Variants in MYBPC1 observed in about 807,000 individuals in gnomAD.
MYBPC1 encodes the protein myosin binding protein C1.
Under a neutral mutation model 147.1 loss-of-function variants are expected in MYBPC1, and 52 were observed. That is an observed-to-expected ratio of 0.35 (90% CI 0.28 to 0.45). The LOEUF (loss-of-function observed/expected upper bound fraction) is 0.45. Ranked by LOEUF, MYBPC1 falls within the 20% of genes least tolerant of loss-of-function variation. The pLI is 1.00. For synonymous variants in MYBPC1, 477 were observed against 475.9 expected (o/e 1.00, Z -0.03); for missense variants, 1,228 against 1,440.3 (o/e 0.85, Z 2.39).
At chr12:101,634,857 T>C (rs938667681) in intron 9 of MYBPC1, among the ~76,000 whole-genome samples, 1 of 152,218 alleles carries the variant, frequency 6.6e-6, no homozygotes, top group Non-Finnish European at 1.5e-5. Flanking sequence ...ACAGTTGCCT[T>C]AGAAAGACAC....
At position 101,642,584 on chromosome 12, in the gene MYBPC1, A is replaced by T; in HGVS notation, c.831A>T (p.Ala277=). Reference sequence around the variant, plus strand: ...TGCGCAGAGAGGAGAAGAAGAGCGCAGGTGAGCGCTCCCGGGGGCGAGGCA... The same window carrying T: ...TGCGCAGAGAGGAGAAGAAGAGCGCTGGTGAGCGCTCCCGGGGGCGAGGCA... The part of the protein sequence containing the change: ...KRMRREEKKS[A]AFAKILDPAY... The change falls in exon 11 of 32, where the codon GCA becomes GCT. Residue 277 remains alanine, a splice_region_variant and synonymous_variant. Transcript: ENST00000361466. The T allele has an allele frequency of 1.9e-6, 3 of 1,609,554 alleles. No homozygotes were observed. The highest frequency in any genetic ancestry group is 2.5e-6 in the Non-Finnish European group (3 of 1,178,158).
At chr12:101,643,757 G>A (rs1189213928) in intron 11 of MYBPC1, among the ~76,000 whole-genome samples, 2 of 151,822 alleles carry the variant, frequency 1.3e-5, no homozygotes, top group African/African-American at 4.8e-5. Flanking sequence ...TTTAATTGCT[G>A]TGTTCTATGT....
At chr12:101,665,335 G>A (rs1009687545) in intron 22 of MYBPC1, among the ~76,000 whole-genome samples, 4 of 151,974 alleles carry the variant, frequency 2.6e-5, no homozygotes, top group Admixed American at 6.6e-5. Context: ...TGTGGCTGCC[G>A]ACTCTTCATT....
intron 20 of MYBPC1, among the ~76,000 whole-genome samples, 156 bp downstream of exon 20, chr12:101,661,418 T>C (rs1451122031): frequency 1.3e-5 from 2 of 152,224 alleles, no homozygotes; most frequent in Non-Finnish European, 2.9e-5. Flanking sequence ...GTTGAGATGC[T>C]CTGTAATTAC....
intron 1 of MYBPC1, among the ~76,000 whole-genome samples, chr12:101,599,369 T>C (rs1057073598): frequency 9.2e-5 from 14 of 152,186 alleles, no homozygotes; most frequent in African/African-American, 3.4e-4. Flanking sequence ...TTTTTTTTCT[T>C]GCTCTCTAGA....
downstream of MYBPC1, among the ~76,000 whole-genome samples, chr12:101,689,783 C>T (rs143745340): frequency 0.015 from 2,252 of 152,264 alleles, 25 homozygotes; most frequent in South Asian, 0.035. Flanking sequence ...AGTGGTTCCT[C>T]CACCCAAGCC....
intron 21 of MYBPC1, among the ~76,000 whole-genome samples, chr12:101,663,001 T>C (rs564089494): frequency 6.6e-6 from 1 of 151,880 alleles, no homozygotes; most frequent in Non-Finnish European, 1.5e-5. Flanking sequence ...ATCTATTAAA[T>C]CAAAAAAGTT....
chr12:101,679,287 G>A (rs916456125), intron 28 of MYBPC1, among the ~76,000 whole-genome samples: 8 of 152,190 alleles, frequency 5.3e-5, no homozygotes, highest in African/African-American at 1.2e-4. Flanking sequence ...AGGTTCACCC[G>A]GAGCCTAGGA....
intron 8 of MYBPC1, among the ~76,000 whole-genome samples, chr12:101,633,995 C>G (rs753766835): frequency 3.7e-4 from 56 of 151,582 alleles, no homozygotes; most frequent in Non-Finnish European, 7.4e-4. Flanking sequence ...CTCCCGGGTT[C>G]ACGCCATTCT....
At chr12:101,633,216 A>G (rs1440888204) in intron 8 of MYBPC1, among the ~76,000 whole-genome samples, 1 of 152,030 alleles carries the variant, frequency 6.6e-6, no homozygotes, top group African/African-American at 2.4e-5. Flanking sequence ...GAATCCAAAA[A>G]CCACACCCTA....
intron 1 of MYBPC1, among the ~76,000 whole-genome samples, chr12:101,612,385 A>T (rs1457826932): frequency 1.3e-5 from 2 of 152,182 alleles, no homozygotes; most frequent in Non-Finnish European, 2.9e-5. Flanking sequence ...CATGTTCAGA[A>T]AAAGCAGGAG....
chr12:101,657,518 C>G (rs58774124), intron 18 of MYBPC1, among the ~76,000 whole-genome samples: 2,418 of 152,230 alleles, frequency 0.016, 67 homozygotes, highest in African/African-American at 0.054. Flanking sequence ...GACATTACTA[C>G]AAATCCCATG....
intron 3 of MYBPC1, among the ~76,000 whole-genome samples, chr12:101,619,752 A>G (rs1278485976): frequency 6.6e-6 from 1 of 152,192 alleles, no homozygotes; most frequent in Non-Finnish European, 1.5e-5. Flanking sequence ...TCAGCACTTT[A>G]ACTGGTCTTC....
Position 101,605,564 on chromosome 12 carries a change from T to C in MYBPC1, c.26-8932T>C, listed in dbSNP as rs1477383672. 2.0e-5 allele frequency among the ~76,000 whole-genome samples: 3 copies of C among 152,160 alleles called. 1 individual carries two copies. The highest frequency in any genetic ancestry group is 4.4e-5 in the Non-Finnish European group (3 of 68,008). The stretch of plus-strand genomic sequence containing the variant: ...ATTAGTGTGTCATATATTTACTGAA[T>C]TAAAAATTAAAATTGGTTGGGCATG... On this transcript the variant is annotated intron_variant, in intron 1 of 31. Transcript: ENST00000361466.
downstream of MYBPC1, among the ~76,000 whole-genome samples, chr12:101,687,295 C>T (rs1394896734): frequency 4.6e-5 from 7 of 152,082 alleles, no homozygotes; most frequent in Admixed American, 3.3e-4. Flanking sequence ...CATTGTTCAG[C>T]TCCCACCTAT....
chr12:101,599,063 A>G (rs1374544522), intron 1 of MYBPC1, among the ~76,000 whole-genome samples: 6 of 152,216 alleles, frequency 3.9e-5, no homozygotes, highest in Admixed American at 3.9e-4. Context: ...GAAAAATCTC[A>G]AGAGAGTCAC....
chr12:101,640,242 G>T (rs1363929270), intron 10 of MYBPC1, among the ~76,000 whole-genome samples: 1 of 152,018 alleles, frequency 6.6e-6, no homozygotes, highest in African/African-American at 2.4e-5. Flanking sequence ...GAACTCCTGA[G>T]CCCAAGTAAT....
the MYBPC1 span, among the ~76,000 whole-genome samples, chr12:101,693,103 C>T: frequency 5.3e-5 from 8 of 152,050 alleles, no homozygotes; most frequent in East Asian, 1.9e-4. Flanking sequence ...CCCACCACCA[C>T]GCGCGGCTAA....
At position 101,617,328 on chromosome 12, in the gene MYBPC1, A is replaced by T. The variant is rs1886361070; in HGVS notation, c.103+85A>T. On this transcript the variant is annotated intron_variant, in intron 3 of 31. Coordinates refer to ENST00000361466, the MANE Select transcript of MYBPC1 (RefSeq NM_002465.4). ...CAGTAATGATTGTCATGGTGGCTCC[A>T]TAGAATTTCTCTGCATTATCTTTCG... The T allele has an allele frequency of 6.4e-6, 9 of 1,403,914 alleles. No individual in the cohort carries two copies. In the East Asian group the frequency reaches 1.9e-4, roughly 29 times the overall value. 87.0% of individuals were successfully genotyped at this position (1,403,914 alleles called of 1,614,324 possible).
Sources: gnomAD v4.1 joint callset for allele counts (sites outside exome capture counted in the v4.1 genomes callset) on GRCh38, gnomAD v4.1.1 for gene constraint, MANE v1.5 for transcripts, NCBI Gene and HGNC (gene_info 2026-07-23, HGNC 2026-07-21) for gene names.